The following ST18 variants were observed in gnomAD, a reference collection of about 807,000 sequenced individuals.
The protein encoded by ST18 is suppression of tumorigenicity 18 protein.
In ST18, 50 loss-of-function variants were observed where a neutral mutation model predicts 110.0. The ratio of observed to expected loss-of-function variants is 0.45; its 90% CI spans 0.36 to 0.58. ST18 has a LOEUF of 0.58. Ranked by LOEUF, ST18 falls within the 20% of genes least tolerant of loss-of-function variation. The pLI is 0.00. For synonymous variants in ST18, 461 were observed against 452.4 expected (o/e 1.02, Z -0.24); for missense variants, 1,306 against 1,280.1 (o/e 1.02, Z -0.31).
At chr8:52,398,760 T>C (rs889614812) in intron 2 of ST18, among the ~76,000 whole-genome samples, 4 of 152,134 alleles carry the variant, frequency 2.6e-5, no homozygotes, top group South Asian at 2.1e-4. Flanking sequence ...GATTTGTGTA[T>C]GTTAAACCAA....
At chr8:52,388,716 G>A (rs1160569581) in intron 2 of ST18, among the ~76,000 whole-genome samples, 2 of 149,952 alleles carry the variant, frequency 1.3e-5, no homozygotes, top group Non-Finnish European at 3.0e-5. Flanking sequence ...GTCAGGGAGG[G>A]CCTTTCTCAA....
At chr8:52,215,779 A>G (rs183571551) in intron 6 of ST18, among the ~76,000 whole-genome samples, 1 of 152,302 alleles carries the variant, frequency 6.6e-6, no homozygotes, top group Admixed American at 6.5e-5. Flanking sequence ...ACTGCCTAAG[A>G]TGAAAATGGC....
intron 2 of ST18, among the ~76,000 whole-genome samples, chr8:52,289,030 T>C (rs2095513462): frequency 6.6e-6 from 1 of 152,180 alleles, no homozygotes; most frequent in African/African-American, 2.4e-5. Flanking sequence ...ACTCTCCATC[T>C]GCACCTGTAC....
chr8:52,334,165 T>C (rs1044162001), intron 2 of ST18, among the ~76,000 whole-genome samples: 4 of 152,260 alleles, frequency 2.6e-5, no homozygotes, highest in African/African-American at 9.6e-5. Context: ...TGAAATAATT[T>C]GAATCTTTCT....
intron 15 of ST18, among the ~76,000 whole-genome samples, chr8:52,152,017 A>G (rs567342377): frequency 6.9e-4 from 105 of 152,358 alleles, no homozygotes; most frequent in African/African-American, 1.5e-3. Flanking sequence ...CATTAAGACA[A>G]TGATAGATTC....
chr8:52,378,027 G>A (rs1833068763), intron 2 of ST18, among the ~76,000 whole-genome samples: 1 of 152,150 alleles, frequency 6.6e-6, no homozygotes, highest in Admixed American at 6.5e-5. Context: ...AATTTCACAT[G>A]TACTCACTTA....
chr8:52,200,195 A>G (rs1449925433), intron 8 of ST18, among the ~76,000 whole-genome samples: 2 of 151,412 alleles, frequency 1.3e-5, no homozygotes, highest in East Asian at 3.9e-4. Context: ...TGAAAAAAAG[A>G]CAGATTAGGA....
intron 2 of ST18, among the ~76,000 whole-genome samples, chr8:52,392,079 T>A (rs1181855043): frequency 2.0e-5 from 3 of 152,142 alleles, no homozygotes. Context: ...GATTTCCTCA[T>A]CCGAAAAATG....
intron 8 of ST18, among the ~76,000 whole-genome samples, chr8:52,202,826 C>A (rs991192651): frequency 6.6e-6 from 1 of 151,652 alleles, no homozygotes; most frequent in Non-Finnish European, 1.5e-5. Flanking sequence ...AATAGGATGG[C>A]GATGATATTG....
chr8:52,210,686 A>G (rs976897182), intron 8 of ST18, among the ~76,000 whole-genome samples: 1 of 152,150 alleles, frequency 6.6e-6, no homozygotes, highest in African/African-American at 2.4e-5. Context: ...ATAAATAAAT[A>G]AAAATAAAAA....
At chr8:52,372,683 A>G (rs1480310136) in intron 2 of ST18, among the ~76,000 whole-genome samples, 1 of 152,216 alleles carries the variant, frequency 6.6e-6, no homozygotes, top group Non-Finnish European at 1.5e-5. Flanking sequence ...CTACAGTAGC[A>G]TGCTGTACAT....
intron 22 of ST18, among the ~76,000 whole-genome samples, chr8:52,130,094 AAAAGAAAG>A (rs148509276): frequency 3.8e-4 from 41 of 108,578 alleles, no homozygotes; most frequent in African/African-American, 6.9e-4. Flanking sequence ...GAAAGAAAGA[AAAAGAAAG>A]AAAGAAAGAA....
At chr8:52,149,417 G>T (rs974519922) in intron 16 of ST18, among the ~76,000 whole-genome samples, 2 of 152,202 alleles carry the variant, frequency 1.3e-5, no homozygotes, top group Non-Finnish European at 1.5e-5. Context: ...TCAATGTTGA[G>T]CAATACATTG....
chr8:52,137,695 T>C (rs1240282937), intron 17 of ST18: 1 of 493,978 alleles, frequency 2.0e-6, no homozygotes, highest in East Asian at 3.1e-5. Context: ...ATGAGTTACT[T>C]CCTTAGGTAC....
At position 52,227,672 on chromosome 8, in the gene ST18, G is replaced by A. The variant is rs1443632922; in HGVS notation, c.-419+2360C>T. Among the ~76,000 whole-genome samples the A allele has an allele frequency of 3.9e-5, 6 of 152,148 alleles. No homozygotes were observed. The South Asian group carries it at 6.2e-4, about 16-fold the overall frequency. On this transcript the variant is annotated intron_variant, in intron 3 of 25. Coordinates refer to ENST00000689386, the MANE Select transcript of ST18 (RefSeq NM_001352837.2). ...TTGAATTTGATGATTTCATTTGTAC[G>A]TTTCAAAGGAACTTTTTCCTTTAGT...
At chr8:52,345,115 A>T (rs949695660) in intron 2 of ST18, among the ~76,000 whole-genome samples, 1 of 152,108 alleles carries the variant, frequency 6.6e-6, no homozygotes, top group Non-Finnish European at 1.5e-5. Context: ...GAAAAATATC[A>T]CTTTTCTTTT....
chr8:52,118,113 C>T (rs1053777830), intron 24 of ST18, among the ~76,000 whole-genome samples: 1 of 152,114 alleles, frequency 6.6e-6, no homozygotes, highest in Admixed American at 6.6e-5. Context: ...ACTTCGATGC[C>T]ACCAGGGCAA....
intron 15 of ST18, among the ~76,000 whole-genome samples, chr8:52,158,593 T>C (rs966773928): frequency 1.3e-5 from 2 of 152,224 alleles, no homozygotes; most frequent in African/African-American, 2.4e-5. Flanking sequence ...AAATTCCCCA[T>C]AGCAAAAACA....
At position 52,180,103 on chromosome 8, in the gene ST18, G is replaced by T; in HGVS notation, c.277+19C>A. 6.2e-7 allele frequency: 1 copy of T among 1,612,018 alleles called. No individual in the cohort carries two copies. The highest frequency in any genetic ancestry group is 1.1e-5 in the South Asian group (1 of 90,982). On this transcript the variant is annotated intron_variant, in intron 9 of 25. Transcript: ENST00000689386. ...TGGAGCCAGGGAGCAGGTAAAGTTT[G>T]GGCTCTCCTCCTTGCTACCTGCGGT...
Sources: gnomAD v4.1 joint callset for allele counts (sites outside exome capture counted in the v4.1 genomes callset) on GRCh38, gnomAD v4.1.1 for gene constraint, MANE v1.5 for transcripts, NCBI Gene and HGNC (gene_info 2026-07-23, HGNC 2026-07-21) for gene names.